Variants in NRG1 observed in about 807,000 individuals in gnomAD.
NRG1 encodes pro-neuregulin-1, membrane-bound isoform.
In NRG1, 18 loss-of-function variants were observed where a neutral mutation model predicts 63.8. The ratio of observed to expected loss-of-function variants is 0.28; its 90% CI spans 0.19 to 0.42. NRG1 has a LOEUF of 0.42. NRG1 is among the 10% of genes least tolerant of loss of function. The probability of loss-of-function intolerance (pLI) is 1.00; values close to 1 mark genes in which losing one functional copy is unlikely to be tolerated. For synonymous variants in NRG1, 302 were observed against 301.3 expected (o/e 1.00, Z -0.02); for missense variants, 762 against 814.7 (o/e 0.94, Z 0.79).
intron 1 of NRG1, among the ~76,000 whole-genome samples, chr8:31,781,038 G>A (rs1214262413): frequency 6.6e-6 from 1 of 152,064 alleles, no homozygotes; most frequent in African/African-American, 2.4e-5. Context: ...ATCTGTAAGT[G>A]GATAACAGCC....
At chr8:32,695,537 A>G (rs1268303707) in intron 5 of NRG1, among the ~76,000 whole-genome samples, 2 of 152,250 alleles carry the variant, frequency 1.3e-5, no homozygotes, top group Non-Finnish European at 2.9e-5. Flanking sequence ...CTGAGAACAG[A>G]GATACCACAG....
intron 1 of NRG1, among the ~76,000 whole-genome samples, chr8:31,925,318 A>C (rs1378814818): frequency 6.6e-6 from 1 of 151,252 alleles, no homozygotes; most frequent in African/African-American, 2.4e-5. Context: ...TGGTGTAATG[A>C]CCCTTTTATC....
chr8:31,828,146 G>T (rs1276033176), intron 1 of NRG1, among the ~76,000 whole-genome samples: 2 of 152,186 alleles, frequency 1.3e-5, no homozygotes, highest in Non-Finnish European at 2.9e-5. Flanking sequence ...ACTCATGCAG[G>T]TATTTTTGAT....
chr8:32,605,887 A>G (rs867965958), intron 3 of NRG1, among the ~76,000 whole-genome samples: 6 of 152,204 alleles, frequency 3.9e-5, no homozygotes, highest in African/African-American at 7.2e-5. Flanking sequence ...AAATATACAT[A>G]TATTTTTTAC....
intron 1 of NRG1, among the ~76,000 whole-genome samples, chr8:32,338,604 C>T (rs16879170): frequency 0.52 from 78,977 of 151,814 alleles, 21,399 homozygotes; most frequent in Non-Finnish European, 0.61. Context: ...ACTGGTTTTA[C>T]GTGACTTTGG....
intron 9 of NRG1, among the ~76,000 whole-genome samples, 164 bp from the exon 10 acceptor site, chr8:32,759,118 GCCACAGTAGCCAGGACAGGATTTT>G (rs1830221051): frequency 6.6e-6 from 1 of 151,950 alleles, no homozygotes; most frequent in Non-Finnish European, 1.5e-5. Flanking sequence ...TAATCTAAAA[GCCACAGTAGCCAGGACAGGATTTT>G]CCACCTGGCC....
In NRG1 at chr8:32,548,309, C is replaced by A; in HGVS notation, c.-418C>A. 1 of 992,558 alleles carries A rather than the reference C, an allele frequency of 1.0e-6. No individual in the cohort carries two copies. Among genetic ancestry groups the A allele is most frequent in the Non-Finnish European group, 1.2e-6 (1 of 835,000 alleles). The allele number at this position is 992,558 out of a possible 1,614,324, so 61.5% of individuals were successfully genotyped here. On this transcript the variant is annotated 5_prime_UTR_variant, in exon 1 of 12. Coordinates refer to ENST00000356819, the Ensembl canonical transcript of NRG1. ...GAAAAAGAGCCGGCGAGGAGTTCCC[C>A]GAAACTTGTTGGAACTCCGGGCTCG...
At chr8:31,739,052 A>G (rs1158840528) in intron 1 of NRG1, among the ~76,000 whole-genome samples, 6 of 152,054 alleles carry the variant, frequency 3.9e-5, no homozygotes, top group Non-Finnish European at 5.9e-5. Context: ...ACGTATGTGT[A>G]TGTGTTTGTA....
Position 31,894,546 on chromosome 8 carries a change from C to CTTTCT in NRG1, c.37+255118_37+255119insCTTTT, listed in dbSNP as rs1563536134. 1.2e-3 allele frequency among the ~76,000 whole-genome samples: 113 copies of CTTTCT among 98,048 alleles called. 1 individual carries two copies. Among genetic ancestry groups the CTTTCT allele is most frequent in the Admixed American group, 1.8e-3 (16 of 8,990 alleles). The allele number at this position is 98,048 out of a possible 152,430, so 64.3% of individuals were successfully genotyped here. A position where few individuals can be genotyped will look rare whatever the true frequency, so the allele number is the denominator to read the frequency against. ...GTGAAATCATAATTGCTATTTCTTTCTTTTTTCTTTTTTTTTTTTTTTGAG... is the reference window on the plus strand; with the variant it reads ...GTGAAATCATAATTGCTATTTCTTTCTTTCTTTTTTTCTTTTTTTTTTTTTTTGAG... On this transcript the variant is annotated intron_variant, in intron 1 of 10. Coordinates refer to the NRG1 transcript ENST00000519301.
intron 1 of NRG1, among the ~76,000 whole-genome samples, chr8:31,993,079 T>C (rs1299226393): frequency 1.3e-5 from 2 of 152,000 alleles, no homozygotes; most frequent in African/African-American, 2.4e-5. Flanking sequence ...CATTCTAGTA[T>C]GAGAGACAAA....
chr8:31,757,209 CTT>C (rs1188393489), intron 1 of NRG1, among the ~76,000 whole-genome samples: 6 of 152,098 alleles, frequency 3.9e-5, no homozygotes, highest in Non-Finnish European at 5.9e-5. Flanking sequence ...TTATACTACT[CTT>C]TACCAAAAGG....
chr8:32,760,374 T>G (rs753361512), exon 11 of NRG1: 2 of 1,613,914 alleles, frequency 1.2e-6, no homozygotes, highest in Non-Finnish European at 1.7e-6. Flanking sequence ...GAGAAACCCC[T>G]GATTCCTACC....
intron 1 of NRG1, among the ~76,000 whole-genome samples, chr8:32,586,888 T>C (rs1841713610): frequency 6.6e-6 from 1 of 152,160 alleles, no homozygotes; most frequent in African/African-American, 2.4e-5. Context: ...CCATGGTCAA[T>C]CAATGGAGAA....
At chr8:31,731,300 A>C (rs964636973) in intron 1 of NRG1, among the ~76,000 whole-genome samples, 5 of 152,072 alleles carry the variant, frequency 3.3e-5, no homozygotes, top group Non-Finnish European at 4.4e-5. Context: ...ACTGAAGAGG[A>C]ATTAGGGTTT....
chr8:32,296,616 CAAA>C (rs34816837), intron 1 of NRG1, among the ~76,000 whole-genome samples: 57 of 100,764 alleles, frequency 5.7e-4, no homozygotes, highest in Admixed American at 1.2e-3. Flanking sequence ...AACTTTGTCC[CAAA>C]AAAAAAAAAA....
chr8:32,327,781 C>G (rs970452722), intron 1 of NRG1, among the ~76,000 whole-genome samples: 7 of 152,222 alleles, frequency 4.6e-5, no homozygotes, highest in Non-Finnish European at 7.4e-5. Flanking sequence ...GGGCAGGAAG[C>G]CTTATTAGGT....
intron 1 of NRG1, among the ~76,000 whole-genome samples, chr8:31,998,396 C>T (rs750883433): frequency 6.6e-6 from 1 of 151,928 alleles, no homozygotes; most frequent in Non-Finnish European, 1.5e-5. Context: ...AATACAGATA[C>T]TTGGTAAAAT....
At chr8:32,372,426 C>T (rs1383832474) in intron 1 of NRG1, among the ~76,000 whole-genome samples, 1 of 152,052 alleles carries the variant, frequency 6.6e-6, no homozygotes, top group Non-Finnish European at 1.5e-5. Context: ...AAAGTCACAA[C>T]CTAGATTGCA....
intron 5 of NRG1, among the ~76,000 whole-genome samples, chr8:32,695,416 A>C (rs758654146): frequency 6.6e-6 from 1 of 152,166 alleles, no homozygotes; most frequent in Non-Finnish European, 1.5e-5. Flanking sequence ...AGAAAAGAAA[A>C]GAAAAAAAGA....
Sources: allele counts gnomAD v4.1 joint callset (sites outside exome capture counted in the v4.1 genomes callset), GRCh38; gene constraint gnomAD v4.1.1; transcripts MANE v1.5; gene names NCBI Gene and HGNC (gene_info 2026-07-23, HGNC 2026-07-21).